Variants in DNAI2 observed in about 807,000 individuals in gnomAD.
DNAI2 encodes dynein axonemal intermediate chain 2.
DNAI2 carries 63 observed loss-of-function variants against 74.7 expected under a neutral mutation model. The ratio of observed to expected loss-of-function variants is 0.84; its 90% CI spans 0.69 to 1.04. The LOEUF (loss-of-function observed/expected upper bound fraction) is 1.04. Among genes scored for constraint, DNAI2 ranks in the 50% least tolerant of loss-of-function variants. DNAI2 has a pLI of 0.00. For synonymous variants in DNAI2, 289 were observed against 314.9 expected, an observed-to-expected ratio of 0.92 and a Z score of 0.87; for missense variants, 688 against 803.2, an observed-to-expected ratio of 0.86 and a Z score of 1.73.
rs186886333 is a variant in DNAI2, at chr17:74,278,645, C to T, written c.-11-3162C>T. 2.8e-3 allele frequency among the ~76,000 whole-genome samples: 421 copies of T among 152,140 alleles called. 5 individuals are homozygous for T. The highest frequency in any genetic ancestry group is 9.2e-3 in the African/African-American group (384 of 41,514). Reference sequence around the variant, plus strand: ...TAACATTGTTGGCCGGGCATGGTGGCGCATACCTGTAATCCCAGCTACTCT... The same window carrying T: ...TAACATTGTTGGCCGGGCATGGTGGTGCATACCTGTAATCCCAGCTACTCT... On this transcript the variant is annotated intron_variant, in intron 1 of 13. Transcript: ENST00000311014.
chr17:74,297,319 C>G lies in DNAI2; in HGVS notation c.725-2399C>G, dbSNP rs377218223. On this transcript the variant is annotated intron_variant, in intron 6 of 13. Transcript: ENST00000311014. ...GTGTTAGCCAGGATGGTCTTGATCT[C>G]TTGACCTCGTGATCTGCCTGCCTCG... Among the ~76,000 whole-genome samples the G allele has an allele frequency of 2.1e-4, 32 of 151,186 alleles. No homozygotes were observed. In the East Asian group the frequency reaches 5.5e-3, roughly 26 times the overall value.
chr17:74,304,173 CTTTTTCTTTTTTCTTTTT>C (rs1202349144), intron 8 of DNAI2, among the ~76,000 whole-genome samples: 5 of 111,078 alleles, frequency 4.5e-5, no homozygotes, highest in African/African-American at 1.6e-4. Flanking sequence ...TTTCTTTTTT[CTTTTTCTTTTTTCTTTTT>C]TTTTTTTTTT....
Position 74,300,886 on chromosome 17 carries a change from A to G in DNAI2, c.865-160A>G, listed in dbSNP as rs1003267476. 4.6e-5 allele frequency among the ~76,000 whole-genome samples: 7 copies of G among 151,944 alleles called. No homozygotes were observed. The highest frequency in any genetic ancestry group is 1.3e-4 in the Admixed American group (2 of 15,256). On this transcript the variant is annotated intron_variant, in intron 7 of 13. Transcript: ENST00000311014. This position sits in a 1 kb window ranked among gnomAD's most constrained non-coding sequence, Gnocchi z 4.5. ...GCCAGGTGTGGGAACTGTGGACAGA[A>G]CAGCAATCCTCAAAGTGTATTTGCT...
At chr17:74,279,517 G>A (rs979511252) in intron 1 of DNAI2, among the ~76,000 whole-genome samples, 10 of 151,820 alleles carry the variant, frequency 6.6e-5, no homozygotes, top group African/African-American at 2.2e-4. Context: ...CCTGCTCACA[G>A]GCAAACCTGC....
intron 5 of DNAI2, among the ~76,000 whole-genome samples, chr17:74,290,361 C>A (rs2052011116): frequency 6.6e-6 from 1 of 152,148 alleles, no homozygotes; most frequent in Non-Finnish European, 1.5e-5. Flanking sequence ...AGAAGGGACT[C>A]AAGGGGCGGC....
At chr17:74,297,297 T>C (rs1471746568) in intron 6 of DNAI2, among the ~76,000 whole-genome samples, 1 of 151,842 alleles carries the variant, frequency 6.6e-6, no homozygotes, top group Non-Finnish European at 1.5e-5. Context: ...TTTCACTGTG[T>C]TAGCCAGGAT....
chr17:74,311,398 G>A (rs909331253), intron 11 of DNAI2, among the ~76,000 whole-genome samples: 10 of 152,178 alleles, frequency 6.6e-5, no homozygotes, highest in African/African-American at 2.4e-4. Flanking sequence ...CAGATCACCT[G>A]AGGTCGGGAG....
In DNAI2 at chr17:74,310,116, C is replaced by G. The variant is rs2053428541; in HGVS notation, c.1447C>G (p.Pro483Ala). 1 of 1,613,808 alleles carries G rather than the reference C, an allele frequency of 6.2e-7. No homozygotes were observed. Among genetic ancestry groups the G allele is most frequent in the Non-Finnish European group, 8.5e-7 (1 of 1,180,020 alleles). Residue 483 changes from proline (P) to alanine (A), a missense_variant, in exon 11 of 14, where the codon CCT becomes GCT. Physicochemically the swap from Pro to Ala is conservative, Grantham distance 27. Transcript: ENST00000311014. Reference sequence around the variant, plus strand: ...GACAACCACCCTGCTGGAGGTCTCGCCTGGGCTCTCTACCCTCCAGAGGAA... The same window carrying G: ...GACAACCACCCTGCTGGAGGTCTCGGCTGGGCTCTCTACCCTCCAGAGGAA... ...LGTTTLLEVS[P>A]GLSTLQRNEK...
At position 74,284,027 on chromosome 17, in the gene DNAI2, A is replaced by G. The variant is rs549547023; in HGVS notation, c.184-1013A>G. On this transcript the variant is annotated intron_variant, in intron 2 of 13. Transcript: ENST00000311014. Reference sequence around the variant, plus strand: ...ATGGCGAGCACCTGTAATCCCAGCTACTGGGGAGGCTGAAGCAGGAGACTC... The same window carrying G: ...ATGGCGAGCACCTGTAATCCCAGCTGCTGGGGAGGCTGAAGCAGGAGACTC... 7.9e-5 allele frequency among the ~76,000 whole-genome samples: 12 copies of G among 152,104 alleles called. No homozygotes were observed. In the South Asian group the frequency reaches 2.5e-3, roughly 32 times the overall value.
intron 5 of DNAI2, among the ~76,000 whole-genome samples, chr17:74,290,509 G>A (rs780854075): frequency 2.6e-5 from 4 of 152,216 alleles, no homozygotes; most frequent in Admixed American, 6.5e-5. Context: ...GGACAGGGTG[G>A]TGGTGGCTTC....
intron 2 of DNAI2, among the ~76,000 whole-genome samples, chr17:74,284,166 G>T (rs920669002): frequency 6.8e-6 from 1 of 147,348 alleles, no homozygotes; most frequent in African/African-American, 2.5e-5. Context: ...GCTGTAGTGA[G>T]TCAAGATCAT....
intron 8 of DNAI2, among the ~76,000 whole-genome samples, chr17:74,303,116 A>C (rs1297776609): frequency 6.6e-6 from 1 of 152,212 alleles, no homozygotes; most frequent in Non-Finnish European, 1.5e-5. Context: ...AAGCTTGTGC[A>C]GTCGCCTACA....
rs911804356 is a variant in DNAI2 at position 74,306,458 on chromosome 17, T to A, written c.1211+1016T>A. On this transcript the variant is annotated intron_variant, in intron 9 of 13. Coordinates refer to ENST00000311014, the MANE Select transcript of DNAI2 (RefSeq NM_023036.6). ...TGCATTGCATGTATAAATAATTACTTTTTTCTCTTGCTAAAAAAAACATCC... is the reference window on the plus strand; with the variant it reads ...TGCATTGCATGTATAAATAATTACTATTTTCTCTTGCTAAAAAAAACATCC... Among the ~76,000 whole-genome samples the A allele has an allele frequency of 9.1e-4, 138 of 152,164 alleles. 1 individual carries two copies. The highest frequency in any genetic ancestry group is 3.2e-3 in the African/African-American group (132 of 41,502).
intron 1 of DNAI2, among the ~76,000 whole-genome samples, chr17:74,277,436 T>C (rs906621840): frequency 1.3e-5 from 2 of 151,974 alleles, no homozygotes; most frequent in African/African-American, 4.8e-5. Flanking sequence ...TGCCACTTTC[T>C]GCAACAGTCT....
chr17:74,288,103 T>A (rs1400204483), intron 4 of DNAI2, among the ~76,000 whole-genome samples: 4 of 152,192 alleles, frequency 2.6e-5, no homozygotes, highest in Non-Finnish European at 5.9e-5. Context: ...ACTTAAACCA[T>A]TTTTTGTCTT....
chr17:74,276,196 C>G (rs1447928279), intron 1 of DNAI2, among the ~76,000 whole-genome samples: 1 of 152,220 alleles, frequency 6.6e-6, no homozygotes, highest in Admixed American at 6.5e-5. Flanking sequence ...CTCATTCTCA[C>G]TGCACAAGAC....
In DNAI2 at chr17:74,314,035, G is replaced by T. The variant is rs561701451; in HGVS notation, c.1723-86G>T. The T allele has an allele frequency of 6.5e-5, 105 of 1,603,902 alleles. 2 individuals carry two copies. In the South Asian group the frequency reaches 1.1e-3, roughly 17 times the overall value. ...CAGGCTTCAGCCATTTGGCTGCTTT[G>T]GTCCTCGTGGGGTTCACATCCCAGG... On this transcript the variant is annotated intron_variant, in intron 12 of 13. Coordinates refer to ENST00000311014, the MANE Select transcript of DNAI2 (RefSeq NM_023036.6).
chr17:74,306,107 A>C (rs1429086539), intron 9 of DNAI2, among the ~76,000 whole-genome samples: 1 of 152,216 alleles, frequency 6.6e-6, no homozygotes, highest in African/African-American at 2.4e-5. Context: ...GCTAGTGAGG[A>C]GCCGAGATTG....
intron 6 of DNAI2, among the ~76,000 whole-genome samples, chr17:74,291,477 A>G (rs2052096032): frequency 6.6e-6 from 1 of 152,178 alleles, no homozygotes; most frequent in Non-Finnish European, 1.5e-5. Context: ...ACCCAGATTC[A>G]TAGTCAGAGC....
Sources: allele counts gnomAD v4.1 joint callset (sites outside exome capture counted in the v4.1 genomes callset), GRCh38; gene constraint gnomAD v4.1.1; non-coding constraint Gnocchi (gnomAD v3.1); transcripts MANE v1.5; gene names NCBI Gene and HGNC (gene_info 2026-07-23, HGNC 2026-07-21).